Variants in ZBTB7C observed in about 807,000 individuals in gnomAD.
ZBTB7C encodes zinc finger and BTB domain containing 7C.
Under a neutral mutation model 25.7 loss-of-function variants are expected in ZBTB7C, and 8 were observed. The observed-to-expected ratio is 0.31, with a 90% confidence interval of 0.18 to 0.56. ZBTB7C has a LOEUF of 0.56. Among genes scored for constraint, ZBTB7C ranks in the 20% least tolerant of loss-of-function variants. The pLI, the probability that ZBTB7C is intolerant of heterozygous loss-of-function variation, is 0.91. For synonymous variants in ZBTB7C, 394 were observed against 369.0 expected (o/e 1.07, Z -0.78); for missense variants, 824 against 855.2 (o/e 0.96, Z 0.46).
At chr18:48,344,979 T>C (rs2046694034) in intron 1 of ZBTB7C, among the ~76,000 whole-genome samples, 2 of 152,240 alleles carry the variant, frequency 1.3e-5, no homozygotes, top group Admixed American at 1.3e-4. Context: ...TATTCTTTGT[T>C]ATGGAGGTTT....
chr18:48,315,296 T>C (rs1011343776), intron 2 of ZBTB7C, among the ~76,000 whole-genome samples: 2 of 152,160 alleles, frequency 1.3e-5, no homozygotes, highest in Non-Finnish European at 2.9e-5. Context: ...TCGGGGATTT[T>C]TGAAAATTCA....
chr18:48,035,933 G>A (rs1451910217), intron 4 of ZBTB7C, among the ~76,000 whole-genome samples: 1 of 152,238 alleles, frequency 6.6e-6, no homozygotes, highest in Admixed American at 6.5e-5. Flanking sequence ...AAAGGGACAG[G>A]AGCTGCCTCT....
intron 3 of ZBTB7C, among the ~76,000 whole-genome samples, chr18:48,168,185 G>A (rs1331734158): frequency 6.6e-6 from 1 of 152,194 alleles, no homozygotes; most frequent in Non-Finnish European, 1.5e-5. Flanking sequence ...GTGAGGCCCC[G>A]GCTGATTAAG....
intron 4 of ZBTB7C, among the ~76,000 whole-genome samples, chr18:48,039,405 T>A (rs957626081): frequency 6.6e-6 from 1 of 152,172 alleles, no homozygotes; most frequent in East Asian, 1.9e-4. Flanking sequence ...GTCAACCACG[T>A]CTCCCCATCT....
intron 1 of ZBTB7C, among the ~76,000 whole-genome samples, chr18:48,373,057 C>A (rs2047424866): frequency 6.6e-6 from 1 of 152,192 alleles, no homozygotes; most frequent in Non-Finnish European, 1.5e-5. Flanking sequence ...ATTGTGAACT[C>A]TGCACAAGCA....
At chr18:48,167,080 A>G (rs1381110489) in intron 3 of ZBTB7C, among the ~76,000 whole-genome samples, 1 of 152,154 alleles carries the variant, frequency 6.6e-6, no homozygotes, top group Non-Finnish European at 1.5e-5. Context: ...CTCTCTGCAC[A>G]ATGGCCATCC....
chr18:48,154,171 G>A (rs1415793373), intron 3 of ZBTB7C, among the ~76,000 whole-genome samples: 2 of 152,212 alleles, frequency 1.3e-5, no homozygotes, highest in Admixed American at 6.5e-5. Flanking sequence ...GTCACCTGGG[G>A]TCCTGACAGA....
At chr18:48,236,523 C>G (rs187821652) in intron 2 of ZBTB7C, among the ~76,000 whole-genome samples, 115 of 152,316 alleles carry the variant, frequency 7.6e-4, no homozygotes, top group Non-Finnish European at 1.5e-3. Context: ...TTCGTTTGAG[C>G]TGGAGGAAGA....
chr18:48,390,480 T>C (rs1483370220), intron 1 of ZBTB7C, among the ~76,000 whole-genome samples: 2 of 152,096 alleles, frequency 1.3e-5, no homozygotes. Context: ...AAGGTATAAA[T>C]AAAATGCAAA....
intron 3 of ZBTB7C, among the ~76,000 whole-genome samples, chr18:48,064,806 C>G (rs2037261460): frequency 6.6e-6 from 1 of 152,088 alleles, no homozygotes; most frequent in Admixed American, 6.5e-5. Flanking sequence ...GGCAGGGCCC[C>G]CCGGGAGGAG....
At position 48,318,878 on chromosome 18, in the gene ZBTB7C, C is replaced by T. The variant is rs2046019074; in HGVS notation, c.-79+19296G>A. ...CCCAGAACCAACATGTCACAGGTTC[C>T]AGCCTGTTCCCCTCCCCTGGCAACC... is the stretch of plus-strand genomic sequence containing the variant. On this transcript the variant is annotated intron_variant, in intron 2 of 4. Transcript: ENST00000590800. 1.3e-5 allele frequency among the ~76,000 whole-genome samples: 2 copies of T among 152,204 alleles called. 1 individual carries two copies. The highest frequency in any genetic ancestry group is 4.1e-4 in the South Asian group (2 of 4,834).
At chr18:48,041,670 G>C in intron 3 of ZBTB7C, 1 of 334,490 alleles carries the variant, frequency 3.0e-6, no homozygotes, top group Non-Finnish European at 4.2e-6. Context: ...GGGCCTTGTG[G>C]TATGTTTTGC....
At chr18:48,248,295 T>C (rs2043753596) in intron 2 of ZBTB7C, among the ~76,000 whole-genome samples, 1 of 152,170 alleles carries the variant, frequency 6.6e-6, no homozygotes, top group East Asian at 1.9e-4. Flanking sequence ...CAATTAAACC[T>C]CTCTTCTCTA....
At position 48,027,052 on chromosome 18, in the gene ZBTB7C, A is replaced by G. The variant is rs2035547376; in HGVS notation, c.*2208T>C. On this transcript the variant is annotated 3_prime_UTR_variant, in exon 5 of 5. Coordinates refer to ENST00000590800, the MANE Select transcript of ZBTB7C (RefSeq NM_001318841.2). ...AGAGCAATCACATAAAAAAAGAGTT[A>G]TAAATAGAAAAAATTCCAAAGTTCT... 6.6e-6 allele frequency: 1 copy of G among 151,846 alleles called. No individual in the cohort carries two copies. Among genetic ancestry groups the G allele is most frequent in the African/African-American group, 2.4e-5 (1 of 41,348 alleles). 9.4% of individuals were successfully genotyped at this position (151,846 alleles called of 1,614,324 possible).
chr18:48,039,962 G>A lies in ZBTB7C; in HGVS notation c.1146C>T (p.His382=), dbSNP rs373256461. The A allele has an allele frequency of 4.3e-6, 7 of 1,613,878 alleles. No homozygotes were observed. Among genetic ancestry groups the A allele is most frequent in the African/African-American group, 1.3e-5 (1 of 74,940 alleles). ...VIMGAGKLPR[H]MRTHTGEKPY... is the part of the protein sequence containing the mutation. ...GCTTCTCCCCGGTATGGGTCCTCAT[G>A]TGCCGCGGCAGCTTCCCGGCCCCCA... The change falls in exon 4 of 5, where the codon CAC becomes CAT. Residue 382 remains histidine (H), a synonymous_variant. Transcript: ENST00000590800.
intron 3 of ZBTB7C, among the ~76,000 whole-genome samples, chr18:48,173,907 CCT>C (rs950669616): frequency 6.6e-6 from 1 of 152,222 alleles, no homozygotes; most frequent in African/African-American, 2.4e-5. Context: ...CTGTCCCCAT[CCT>C]AAAATCAACA....
chr18:48,242,546 T>C (rs917931585), intron 2 of ZBTB7C, among the ~76,000 whole-genome samples: 3 of 152,162 alleles, frequency 2.0e-5, no homozygotes, highest in African/African-American at 7.2e-5. Context: ...TGGTTTAATA[T>C]ACACAAATCA....
chr18:48,405,122 C>G (rs963444592), intron 1 of ZBTB7C, among the ~76,000 whole-genome samples: 1 of 150,764 alleles, frequency 6.6e-6, no homozygotes, highest in Non-Finnish European at 1.5e-5. Context: ...CCCCATTCCT[C>G]CCTCCACCAA....
chr18:48,175,748 A>C (rs1013743454), intron 3 of ZBTB7C, among the ~76,000 whole-genome samples: 3 of 152,222 alleles, frequency 2.0e-5, no homozygotes, highest in African/African-American at 7.2e-5. Context: ...CATACCAGAA[A>C]GTAAGAACAT....
Sources: allele counts gnomAD v4.1 joint callset (sites outside exome capture counted in the v4.1 genomes callset), GRCh38; gene constraint gnomAD v4.1.1; transcripts MANE v1.5; gene names NCBI Gene and HGNC (gene_info 2026-07-23, HGNC 2026-07-21).